AGBL4: variants seen among roughly 807,000 people sequenced by gnomAD.
The protein encoded by AGBL4 is cytosolic carboxypeptidase 6.
AGBL4 carries 58 observed loss-of-function variants against 66.4 expected under a neutral mutation model. The observed-to-expected ratio is 0.87, with a 90% CI of 0.71 to 1.09. The LOEUF (loss-of-function observed/expected upper bound fraction) is 1.09, where lower values mean the gene tolerates loss of function less well. Among genes scored for constraint, AGBL4 ranks in the 50% least tolerant of loss-of-function variants. AGBL4 has a pLI of 0.00. For synonymous variants in AGBL4, 234 were observed against 222.9 expected (o/e 1.05, Z -0.44); for missense variants, 579 against 631.0 (o/e 0.92, Z 0.88).
chr1:49,606,457 T>C (rs1000759213), intron 3 of AGBL4, among the ~76,000 whole-genome samples: 1 of 152,144 alleles, frequency 6.6e-6, no homozygotes, highest in Non-Finnish European at 1.5e-5. Context: ...GAATGTTTGA[T>C]CTATATTTAC....
At chr1:48,719,704 T>G (rs566223616) in intron 6 of AGBL4, among the ~76,000 whole-genome samples, 1 of 152,240 alleles carries the variant, frequency 6.6e-6, no homozygotes, top group Non-Finnish European at 1.5e-5. Context: ...TAAACACTTA[T>G]GTAGTGCTTT....
chr1:48,807,324 G>A (rs1225632518), intron 6 of AGBL4, among the ~76,000 whole-genome samples: 1 of 152,214 alleles, frequency 6.6e-6, no homozygotes, highest in Non-Finnish European at 1.5e-5. Flanking sequence ...AGATGTCTCA[G>A]TCCTAGTCCA....
intron 6 of AGBL4, among the ~76,000 whole-genome samples, chr1:48,855,933 A>G (rs529084879): frequency 1.1e-4 from 16 of 152,310 alleles, no homozygotes; most frequent in South Asian, 2.1e-4. Context: ...TTCATAAGGT[A>G]GAGAAACAAG....
intron 4 of AGBL4, among the ~76,000 whole-genome samples, chr1:49,210,557 G>T (rs909142904): frequency 6.6e-6 from 1 of 152,040 alleles, no homozygotes; most frequent in African/African-American, 2.4e-5. Context: ...ACAAGCTTTT[G>T]TAATCTCAGG....
chr1:49,114,314 C>A (rs942268252), intron 4 of AGBL4, among the ~76,000 whole-genome samples: 7 of 152,304 alleles, frequency 4.6e-5, no homozygotes, highest in Non-Finnish European at 8.8e-5. Flanking sequence ...CTGCTAACTT[C>A]AAACTTTTCT....
intron 3 of AGBL4, among the ~76,000 whole-genome samples, chr1:49,480,455 A>G (rs1570821084): frequency 6.7e-6 from 1 of 148,482 alleles, no homozygotes. Context: ...GTATCTGTTC[A>G]TGTCCTTTGC....
intron 6 of AGBL4, among the ~76,000 whole-genome samples, chr1:48,778,029 G>A (rs1377597329): frequency 6.6e-6 from 1 of 152,138 alleles, no homozygotes; most frequent in African/African-American, 2.4e-5. Context: ...CCTTCACAGG[G>A]ATGCCTCGTA....
intron 3 of AGBL4, among the ~76,000 whole-genome samples, chr1:49,481,159 C>T (rs999601493): frequency 3.3e-5 from 5 of 152,014 alleles, no homozygotes; most frequent in African/African-American, 1.2e-4. Flanking sequence ...TTTTCTAGTT[C>T]TGTGAAGAAT....
chr1:49,813,375 AAT>A (rs1413088228), intron 2 of AGBL4, among the ~76,000 whole-genome samples: 1 of 152,134 alleles, frequency 6.6e-6, no homozygotes, highest in Admixed American at 6.6e-5. Context: ...TAAACTCTGA[AAT>A]ATTGTCATCA....
chr1:48,554,980 G>T (rs1027151145), intron 11 of AGBL4, among the ~76,000 whole-genome samples: 3 of 152,014 alleles, frequency 2.0e-5, no homozygotes, highest in Admixed American at 2.0e-4. Context: ...TGTGCCAGAC[G>T]CTATGGGTTT....
rs144294849 is a variant in AGBL4, at chr1:50,000,031, G to A, written c.34+23732C>T. The stretch of plus-strand genomic sequence containing the variant: ...CTTAGACAAAGACCTCATGACCAAG[G>A]ATCCAAAAGCAAATGCAACAAAAAC... On this transcript the variant is annotated intron_variant, in intron 1 of 13. Transcript: ENST00000371839. Among the ~76,000 whole-genome samples the A allele has an allele frequency of 3.8e-3, 583 of 151,978 alleles. 4 individuals are homozygous for A. Among genetic ancestry groups the A allele is most frequent in the African/African-American group, 0.013 (553 of 41,478 alleles).
chr1:49,015,960 C>T (rs1662790073), intron 5 of AGBL4, among the ~76,000 whole-genome samples: 1 of 152,130 alleles, frequency 6.6e-6, no homozygotes, highest in Non-Finnish European at 1.5e-5. Context: ...TTGAGTAAGT[C>T]ACATATGCCT....
At chr1:49,013,617 C>T (rs1662607931) in intron 5 of AGBL4, among the ~76,000 whole-genome samples, 2 of 152,162 alleles carry the variant, frequency 1.3e-5, no homozygotes, top group Admixed American at 6.5e-5. Flanking sequence ...TATGCTCTGC[C>T]TATCCCCACC....
chr1:49,720,040 T>C (rs934271294), intron 2 of AGBL4, among the ~76,000 whole-genome samples: 2 of 152,106 alleles, frequency 1.3e-5, no homozygotes, highest in Non-Finnish European at 2.9e-5. Flanking sequence ...AAGAATGGAC[T>C]AATACAGACA....
intron 3 of AGBL4, among the ~76,000 whole-genome samples, chr1:49,524,455 G>A (rs989751123): frequency 1.3e-5 from 2 of 152,020 alleles, no homozygotes; most frequent in African/African-American, 2.4e-5. Context: ...GTAGGAGCAG[G>A]ATCATTTTAA....
chr1:49,593,362 A>G (rs1571127746), intron 3 of AGBL4, among the ~76,000 whole-genome samples: 3 of 151,940 alleles, frequency 2.0e-5, no homozygotes. Flanking sequence ...AGCCGAGATC[A>G]CACCACTGCA....
intron 11 of AGBL4, among the ~76,000 whole-genome samples, chr1:48,561,831 A>G (rs1644401446): frequency 6.6e-6 from 1 of 152,198 alleles, no homozygotes. Flanking sequence ...TCAGGCCTTC[A>G]GCCTCAGACA....
chr1:48,781,534 ACAGATTT>A (rs1353466768), intron 6 of AGBL4, among the ~76,000 whole-genome samples: 2 of 152,250 alleles, frequency 1.3e-5, no homozygotes, highest in Non-Finnish European at 2.9e-5. Flanking sequence ...TAGTTTAAAT[ACAGATTT>A]CAGACTTAAA....
At chr1:49,128,203 T>G (rs1391594450) in intron 4 of AGBL4, among the ~76,000 whole-genome samples, 1 of 151,966 alleles carries the variant, frequency 6.6e-6, no homozygotes, top group Admixed American at 6.6e-5. Context: ...AGAATTAATC[T>G]CAGATTAGAC....
Sources: allele counts gnomAD v4.1 joint callset (sites outside exome capture counted in the v4.1 genomes callset), GRCh38; gene constraint gnomAD v4.1.1; transcripts MANE v1.5; gene names NCBI Gene and HGNC (gene_info 2026-07-23, HGNC 2026-07-21).